The following HECTD4 variants were observed in gnomAD, a reference collection of about 807,000 sequenced individuals.
The protein encoded by HECTD4 is HECT domain E3 ubiquitin protein ligase 4.
HECTD4 carries 114 observed loss-of-function variants against 471.5 expected under a neutral mutation model. The observed-to-expected ratio is 0.24, with a 90% CI of 0.21 to 0.28. HECTD4 has a LOEUF of 0.28. Among genes scored for constraint, HECTD4 ranks in the 10% least tolerant of loss-of-function variants. The probability of loss-of-function intolerance (pLI) is 1.00; values close to 1 mark genes in which losing one functional copy is unlikely to be tolerated. For missense variants in HECTD4, 3,866 were observed against 5,651.5 expected (o/e 0.68, Z 10.13); for synonymous variants, 2,012 against 2,256.0 (o/e 0.89, Z 3.07).
intron 55 of HECTD4, among the ~76,000 whole-genome samples, chr12:112,196,256 T>C (rs1474197395): frequency 6.6e-6 from 1 of 152,214 alleles, no homozygotes; most frequent in African/African-American, 2.4e-5. Flanking sequence ...TTAGGTGTAA[T>C]GGCAATTAAA....
At position 112,314,549 on chromosome 12, in the gene HECTD4, A is replaced by G; in HGVS notation, c.696-3T>C. 6.8e-7 allele frequency: 1 copy of G among 1,465,896 alleles called. No individual in the cohort carries two copies. Among genetic ancestry groups the G allele is most frequent in the Non-Finnish European group, 9.2e-7 (1 of 1,083,088 alleles). 90.8% of individuals were successfully genotyped at this position (1,465,896 alleles called of 1,614,324 possible). A position where few individuals can be genotyped will look rare whatever the true frequency, so the allele number is the denominator to read the frequency against. ...GGACGAAAGTTTTCAATGATCCCCTAAAAATAAAAGGAAGGAACAGTAAAT... is the reference window on the plus strand; with the variant it reads ...GGACGAAAGTTTTCAATGATCCCCTGAAAATAAAAGGAAGGAACAGTAAAT... On this transcript the variant is annotated splice_region_variant and splice_polypyrimidine_tract_variant and intron_variant, in intron 2 of 75. Coordinates refer to ENST00000682272, the MANE Select transcript of HECTD4 (RefSeq NM_001388303.1).
chr12:112,252,991 T>A (rs754513139), intron 22 of HECTD4, among the ~76,000 whole-genome samples: 6 of 151,924 alleles, frequency 3.9e-5, no homozygotes, highest in Non-Finnish European at 8.8e-5. Context: ...TTTATTTTTT[T>A]TTTGTAGAGA....
At chr12:112,325,921 C>T (rs2035733752) in intron 1 of HECTD4, among the ~76,000 whole-genome samples, 1 of 151,392 alleles carries the variant, frequency 6.6e-6, no homozygotes, top group Non-Finnish European at 1.5e-5. Context: ...CTGAGCCTCT[C>T]AAGTAGCTGG....
chr12:112,235,753 G>A lies in HECTD4; in HGVS notation c.5476C>T (p.Pro1826Ser). ...SHIGKAILSQ[P>S]ACVSKLLSLL... Reference sequence around the variant, plus strand: ...GAGAGGAGTTTGGACACACAAGCTGGCTGGCTCAGGATGGCTTTACCTATG... The same window carrying A: ...GAGAGGAGTTTGGACACACAAGCTGACTGGCTCAGGATGGCTTTACCTATG... Residue 1826 changes from proline to serine, a missense_variant, in exon 36 of 76, where the codon CCA becomes TCA. Pro to Ser is a moderately conservative substitution (Grantham distance 74). Coordinates refer to ENST00000682272, the MANE Select transcript of HECTD4 (RefSeq NM_001388303.1). This position sits in a 1 kb window ranked among gnomAD's most constrained non-coding sequence, Gnocchi z 5.0. 6.2e-7 allele frequency: 1 copy of A among 1,613,522 alleles called. No individual in the cohort carries two copies. The highest frequency in any genetic ancestry group is 8.5e-7 in the Non-Finnish European group (1 of 1,179,682).
intron 44 of HECTD4, among the ~76,000 whole-genome samples, chr12:112,220,976 G>T (rs1048509504): frequency 3.9e-5 from 6 of 152,080 alleles, no homozygotes; most frequent in Non-Finnish European, 8.8e-5. Context: ...TTGAGACAAG[G>T]TCTCTCGCTC....
chr12:112,324,025 C>CTTTCTTTCTTT (rs2035668799), intron 1 of HECTD4, among the ~76,000 whole-genome samples: 1 of 30,418 alleles, frequency 3.3e-5, no homozygotes, highest in Non-Finnish European at 4.9e-5. Flanking sequence ...TTCCTTCCTT[C>CTTTCTTTCTTT]CTTCCTTCCT....
At chr12:112,338,731 G>A (rs1170409372) in intron 1 of HECTD4, among the ~76,000 whole-genome samples, 1 of 152,152 alleles carries the variant, frequency 6.6e-6, no homozygotes. Context: ...AAAGCATGGT[G>A]CCAGCATCTG....
rs910086084 is a variant in HECTD4, at chr12:112,228,861, A to C, written c.6520-50T>G. On this transcript the variant is annotated intron_variant, in intron 41 of 75. Transcript: ENST00000682272. This position sits in a 1 kb window ranked among gnomAD's most constrained non-coding sequence, Gnocchi z 4.9. ...TACCAACCAGCTCTGACGTGTGGGC[A>C]GCTGTCTTACGAGACAAGAGGAAAA... 6.4e-7 allele frequency: 1 copy of C among 1,554,120 alleles called. No individual in the cohort carries two copies. The highest frequency in any genetic ancestry group is 1.4e-5 in the African/African-American group (1 of 72,354).
chr12:112,250,094 T>C (rs780685796), intron 25 of HECTD4, 50 bp downstream of exon 25: 1 of 1,338,994 alleles, frequency 7.5e-7, no homozygotes, highest in Non-Finnish European at 1.1e-6. Context: ...TTCAATTGTT[T>C]AAACTTTTTT....
At position 112,216,833 on chromosome 12, in the gene HECTD4, G is replaced by A. The variant is rs1318133149; in HGVS notation, c.7325C>T (p.Thr2442Ile). The change falls in exon 47 of 76, where the codon ACA (threonine) becomes ATA (isoleucine). Residue 2442 changes from threonine (T) to isoleucine (I), a missense_variant. Thr to Ile is a moderately conservative substitution (Grantham distance 89). This residue lies in a region of HECTD4 where 617 missense variants were observed against 915.1 expected (regional missense o/e 0.67). Transcript: ENST00000682272. ...AGCCCCATCTCGCTTCTCTGCTTCT[G>A]TAGTGAAGCCAAAGGAAACTATGGG... ...TGPIVSFGFT[T>I]EAEKRDGAWT... is the part of the protein sequence containing the mutation. 6.2e-7 allele frequency: 1 copy of A among 1,613,896 alleles called. No homozygotes were observed. The highest frequency in any genetic ancestry group is 1.7e-5 in the Admixed American group (1 of 60,006).
chr12:112,303,879 A>C (rs994230721), intron 7 of HECTD4, among the ~76,000 whole-genome samples: 2 of 151,988 alleles, frequency 1.3e-5, no homozygotes, highest in Non-Finnish European at 2.9e-5. Flanking sequence ...AAAAAAGAAA[A>C]AAAAAAGGAA....
intron 7 of HECTD4, among the ~76,000 whole-genome samples, chr12:112,303,972 C>T (rs1418779906): frequency 2.0e-5 from 3 of 151,770 alleles, no homozygotes; most frequent in Admixed American, 6.6e-5. Context: ...TTGTTTATAT[C>T]TGGCGTTCAT....
At chr12:112,258,346 T>C (rs1438342742) in intron 20 of HECTD4, 150 bp downstream of exon 20, 5 of 517,248 alleles carry the variant, frequency 9.7e-6, no homozygotes, top group Non-Finnish European at 1.7e-5. Flanking sequence ...TACAAAGCAA[T>C]GCTACAGTTA....
intron 1 of HECTD4, among the ~76,000 whole-genome samples, chr12:112,341,190 C>T (rs2036047742): frequency 6.6e-6 from 1 of 152,126 alleles, no homozygotes; most frequent in African/African-American, 2.4e-5. Context: ...CCTGTCAGTG[C>T]ACATACATTA....
intron 7 of HECTD4, among the ~76,000 whole-genome samples, chr12:112,304,964 T>G (rs1239230427): frequency 6.6e-6 from 1 of 152,218 alleles, no homozygotes; most frequent in Non-Finnish European, 1.5e-5. Context: ...GAATGCTAAT[T>G]TCTTCCCAGA....
Position 112,239,587 on chromosome 12 carries a change from T to C in HECTD4, c.5105+294A>G, listed in dbSNP as rs761020356. ...CCAAGAGAGGAAATAAATGTATATA[T>C]GCAAAATATTTCTGCCAAATATGTA... On this transcript the variant is annotated intron_variant, in intron 33 of 75. Coordinates refer to ENST00000682272, the MANE Select transcript of HECTD4 (RefSeq NM_001388303.1). This position sits in a 1 kb window ranked among gnomAD's most constrained non-coding sequence, Gnocchi z 4.9. Among the ~76,000 whole-genome samples the C allele has an allele frequency of 1.1e-4, 16 of 152,208 alleles. No homozygotes were observed. The highest frequency in any genetic ancestry group is 3.3e-4 in the Admixed American group (5 of 15,280).
rs1326136640 is a variant in HECTD4 at position 112,264,095 on chromosome 12, A to G, written c.2737T>C (p.Leu913=). The G allele has an allele frequency of 6.2e-7, 1 of 1,610,004 alleles. No individual in the cohort carries two copies. Among genetic ancestry groups the G allele is most frequent in the African/African-American group, 1.3e-5 (1 of 74,876 alleles). The part of the protein sequence containing the change: ...DSDSSLQGET[L]KVQELKVSIL... ...AGCTTGGTGTTTACCTGTACCTTCA[A>G]TGTCTCTCCCTGCAAGGAGCTGTCA... is the stretch of plus-strand genomic sequence containing the variant. The change falls in exon 17 of 76, where the codon TTG becomes CTG. Residue 913 remains leucine (L), a synonymous_variant. Coordinates refer to ENST00000682272, the MANE Select transcript of HECTD4 (RefSeq NM_001388303.1).
intron 72 of HECTD4, among the ~76,000 whole-genome samples, chr12:112,165,874 G>A (rs2030933881): frequency 6.6e-6 from 1 of 152,216 alleles, no homozygotes; most frequent in African/African-American, 2.4e-5. Flanking sequence ...GAGACTGACT[G>A]CAGCTTGGGG....
intron 67 of HECTD4, among the ~76,000 whole-genome samples, chr12:112,171,678 A>C (rs1476499341): frequency 1.3e-5 from 2 of 152,342 alleles, no homozygotes; most frequent in African/African-American, 4.8e-5. Context: ...TGCCACTGGC[A>C]CACTGCCCTT....
Sources: gnomAD v4.1 joint callset for allele counts (sites outside exome capture counted in the v4.1 genomes callset) on GRCh38, gnomAD v4.1.1 for gene constraint, gnomAD v4.1.1 regional missense constraint, Gnocchi (gnomAD v3.1) non-coding constraint, MANE v1.5 for transcripts, NCBI Gene and HGNC (gene_info 2026-07-23, HGNC 2026-07-21) for gene names.